Variants in PSMC2 observed in about 807,000 individuals in gnomAD.
PSMC2 encodes proteasome 26S subunit, ATPase 2.
In PSMC2, 7 loss-of-function variants were observed where a neutral mutation model predicts 53.3. That is an observed-to-expected ratio of 0.13 (90% CI 0.07 to 0.25). The LOEUF (loss-of-function observed/expected upper bound fraction) is 0.25, where lower values mean the gene tolerates loss of function less well. Ranked by LOEUF, PSMC2 falls within the 10% of genes least tolerant of loss-of-function variation. The pLI is 1.00. For missense variants in PSMC2, 241 were observed against 544.0 expected (o/e 0.44, Z 5.54); for synonymous variants, 169 against 183.9 (o/e 0.92, Z 0.66).
chr7:103,362,489 G>T, intron 5 of PSMC2, 197 bp from the exon 6 acceptor site: 1 of 1,408,534 alleles, frequency 7.1e-7, no homozygotes, highest in South Asian at 1.6e-5. Flanking sequence ...GATTGCTGTT[G>T]GATAGGTTGT....
chr7:103,366,429 T>G (rs1820723396), intron 9 of PSMC2, among the ~76,000 whole-genome samples: 1 of 152,250 alleles, frequency 6.6e-6, no homozygotes, highest in Admixed American at 6.5e-5. Flanking sequence ...AGAAGTGTTT[T>G]GGAATTCACA....
intron 1 of PSMC2, among the ~76,000 whole-genome samples, chr7:103,351,835 T>C (rs1228659850): frequency 6.6e-6 from 1 of 152,156 alleles, no homozygotes; most frequent in East Asian, 1.9e-4. Flanking sequence ...TGTTTGATCC[T>C]CTCCCGTCAG....
chr7:103,364,077 A>G, intron 7 of PSMC2, 66 bp from the exon 8 acceptor site: 1 of 1,478,202 alleles, frequency 6.8e-7, no homozygotes, highest in African/African-American at 1.4e-5. Flanking sequence ...CACTTTGTTG[A>G]TTTAGAAGTA....
In PSMC2 at chr7:103,353,976, C is replaced by T. The variant is rs1254318600; in HGVS notation, c.108+18C>T. 1 of 1,555,044 alleles carries T rather than the reference C, an allele frequency of 6.4e-7. No homozygotes were observed. The highest frequency in any genetic ancestry group is 2.3e-5 in the East Asian group (1 of 44,270). On this transcript the variant is annotated intron_variant, in intron 2 of 11. Transcript: ENST00000292644. ...AAACTTATGTAAGTCCTTTCAGTGT[C>T]TACAAACTATAGATGTTTTATGTTG... is the stretch of plus-strand genomic sequence containing the variant.
chr7:103,357,338 A>G (rs546975482), intron 4 of PSMC2, among the ~76,000 whole-genome samples: 93 of 151,968 alleles, frequency 6.1e-4, no homozygotes, highest in African/African-American at 1.8e-3. Context: ...AAAAAAAAAA[A>G]AAAAGAAAAG....
intron 6 of PSMC2, 130 bp from the exon 7 acceptor site, chr7:103,363,214 A>G (rs1820515104): frequency 1.5e-6 from 1 of 681,664 alleles, no homozygotes; most frequent in Non-Finnish European, 2.5e-6. Context: ...GCACTGGGCA[A>G]TGTATTCAAT....
At chr7:103,366,348 A>T (rs548556511) in intron 9 of PSMC2, among the ~76,000 whole-genome samples, 185 bp downstream of exon 9, 1 of 152,358 alleles carries the variant, frequency 6.6e-6, no homozygotes, top group African/African-American at 2.4e-5. Context: ...GACACATTAT[A>T]TACCATTGTC....
intron 4 of PSMC2, among the ~76,000 whole-genome samples, chr7:103,358,166 A>C (rs1357471433): frequency 1.3e-5 from 2 of 152,178 alleles, no homozygotes; most frequent in Non-Finnish European, 2.9e-5. Context: ...TCCCTTCAAA[A>C]TTTTGAAGGC....
chr7:103,362,173 T>G (rs1057056914), intron 5 of PSMC2, 85 bp downstream of exon 5: 2 of 1,573,876 alleles, frequency 1.3e-6, no homozygotes, highest in Non-Finnish European at 1.7e-6. Flanking sequence ...AGTGAATAAA[T>G]GGACTGAGTT....
At chr7:103,365,039 G>C (rs1006470558) in intron 8 of PSMC2, among the ~76,000 whole-genome samples, 2 of 146,134 alleles carry the variant, frequency 1.4e-5, no homozygotes, top group Non-Finnish European at 3.0e-5. Context: ...TTGATGATTC[G>C]TATATTTACA....
At chr7:103,348,874 T>C in intron 1 of PSMC2, 1 of 514,350 alleles carries the variant, frequency 1.9e-6, no homozygotes, top group Non-Finnish European at 3.6e-6. Flanking sequence ...TAATCTTGTT[T>C]ATGTAACTTT....
chr7:103,365,354 A>T (rs1309969412), intron 8 of PSMC2, among the ~76,000 whole-genome samples: 2 of 152,160 alleles, frequency 1.3e-5, no homozygotes, highest in Non-Finnish European at 2.9e-5. Flanking sequence ...TAGATAGGCC[A>T]GGCACGGTGG....
chr7:103,347,594 A>G, upstream of PSMC2: 1 of 1,182,244 alleles, frequency 8.5e-7, no homozygotes, highest in Non-Finnish European at 1.3e-6. Flanking sequence ...AGCACTGCAT[A>G]AAGGGGTCTG....
Position 103,367,669 on chromosome 7 carries a change from T to C in PSMC2, c.1048-44T>C. 1 of 1,608,884 alleles carries C rather than the reference T, an allele frequency of 6.2e-7. No homozygotes were observed. Among genetic ancestry groups the C allele is most frequent in the African/African-American group, 1.3e-5 (1 of 74,660 alleles). On this transcript the variant is annotated intron_variant, in intron 10 of 11. Transcript: ENST00000292644. The surrounding 1 kb of genome is among the most constrained non-coding windows in gnomAD (Gnocchi z 6.1). ...GGATTTTTGAAGTTTTTTCTTCCTG[T>C]GATTTTTTTCCATTTTAATATTTGT...
intron 4 of PSMC2, among the ~76,000 whole-genome samples, chr7:103,361,045 C>T (rs947586322): frequency 1.0e-4 from 15 of 150,156 alleles, no homozygotes; most frequent in East Asian, 1.0e-3. Context: ...ACCCAGGAGG[C>T]GGAGATTGTA....
At chr7:103,348,679 C>A in intron 1 of PSMC2, 3 of 1,589,444 alleles carry the variant, frequency 1.9e-6, no homozygotes, top group Admixed American at 3.4e-5. Flanking sequence ...CTGTTCAAAC[C>A]GGCACGGTCT....
At position 103,369,378 on chromosome 7, in the gene PSMC2, G is replaced by A. The variant is rs1297632062; in HGVS notation, c.*1324G>A. 1 of 152,174 alleles carries A rather than the reference G, an allele frequency of 6.6e-6. No homozygotes were observed. The highest frequency in any genetic ancestry group is 1.5e-5 in the Non-Finnish European group (1 of 68,030). 9.4% of individuals were successfully genotyped at this position (152,174 alleles called of 1,614,324 possible). On this transcript the variant is annotated 3_prime_UTR_variant, in exon 12 of 12. Coordinates refer to ENST00000292644, the MANE Select transcript of PSMC2 (RefSeq NM_002803.4). ...TTTTGAATGTTTTGATTAAATAAAT[G>A]TACACATTTAGAACACACTCTGAAG... is the stretch of plus-strand genomic sequence containing the variant.
intron 8 of PSMC2, among the ~76,000 whole-genome samples, chr7:103,365,395 G>C (rs1224953000): frequency 6.6e-6 from 1 of 152,180 alleles, no homozygotes; most frequent in African/African-American, 2.4e-5. Context: ...ACTTTGGGAG[G>C]CAGAGGCAGG....
intron 1 of PSMC2, among the ~76,000 whole-genome samples, chr7:103,353,503 C>T (rs1045820678): frequency 2.0e-5 from 3 of 152,090 alleles, no homozygotes; most frequent in Non-Finnish European, 4.4e-5. Flanking sequence ...GACGGGGTTT[C>T]GCCAGGTTGG....
Sources: allele counts gnomAD v4.1 joint callset (sites outside exome capture counted in the v4.1 genomes callset), GRCh38; gene constraint gnomAD v4.1.1; non-coding constraint Gnocchi (gnomAD v3.1); transcripts MANE v1.5; gene names NCBI Gene and HGNC (gene_info 2026-07-23, HGNC 2026-07-21).